ADGRL2: variants seen among roughly 807,000 people sequenced by gnomAD.
The protein encoded by ADGRL2 is adhesion G protein-coupled receptor L2, also known as calcium-independent alpha-latrotoxin receptor 2.
A neutral mutation model predicts 157.4 loss-of-function variants in ADGRL2; 44 were observed. The observed-to-expected ratio is 0.28, with a 90% confidence interval of 0.22 to 0.36. The LOEUF is 0.36. Among genes scored for constraint, ADGRL2 ranks in the 10% least tolerant of loss-of-function variants. ADGRL2 has a pLI of 1.00. For synonymous variants in ADGRL2, 585 were observed against 624.7 expected (o/e 0.94, Z 0.95); for missense variants, 1,510 against 1,768.9 (o/e 0.85, Z 2.63).
intron 1 of ADGRL2, among the ~76,000 whole-genome samples, chr1:81,371,525 A>T (rs2076160371): frequency 6.6e-6 from 1 of 152,238 alleles, no homozygotes; most frequent in African/African-American, 2.4e-5. Context: ...AATATAAAAT[A>T]AGAAATGTAA....
chr1:81,611,782 C>A lies in ADGRL2; in HGVS notation c.-143+30802C>A, dbSNP rs145644718. 4.9e-3 allele frequency among the ~76,000 whole-genome samples: 747 copies of A among 152,238 alleles called. 6 individuals carry two copies. Among genetic ancestry groups the A allele is most frequent in the African/African-American group, 0.017 (718 of 41,534 alleles). ...GATATGGTTTGGCTCTATGTCCCCA[C>A]CCAAATCTCATCTCAAATTGTAATC... On this transcript the variant is annotated intron_variant, in intron 3 of 24. Transcript: ENST00000370721.
chr1:81,843,896 A>G (rs1333023403), intron 2 of ADGRL2, among the ~76,000 whole-genome samples: 2 of 151,864 alleles, frequency 1.3e-5, no homozygotes, highest in Admixed American at 1.3e-4. Flanking sequence ...TCTTGATTCC[A>G]TCCTCTTTTG....
At chr1:81,840,120 C>G (rs1407100377) in intron 2 of ADGRL2, among the ~76,000 whole-genome samples, 1 of 151,594 alleles carries the variant, frequency 6.6e-6, no homozygotes, top group Non-Finnish European at 1.5e-5. Flanking sequence ...ACCTTAAATA[C>G]TTGTTGGTGC....
At chr1:81,480,886 C>G (rs1487211744) in intron 2 of ADGRL2, among the ~76,000 whole-genome samples, 1 of 152,150 alleles carries the variant, frequency 6.6e-6, no homozygotes, top group Non-Finnish European at 1.5e-5. Flanking sequence ...CTTGTTGTGA[C>G]AATTTTATCA....
intron 3 of ADGRL2, among the ~76,000 whole-genome samples, chr1:81,665,635 T>C (rs186063411): frequency 1.6e-3 from 245 of 152,256 alleles, no homozygotes; most frequent in Admixed American, 3.2e-3. Context: ...ATATTATCTC[T>C]ATATGAGAAC....
intron 2 of ADGRL2, among the ~76,000 whole-genome samples, chr1:81,551,157 C>T (rs2080136231): frequency 6.6e-6 from 1 of 152,134 alleles, no homozygotes; most frequent in African/African-American, 2.4e-5. Flanking sequence ...AATAAATCCT[C>T]AATAGGTGGA....
intron 2 of ADGRL2, chr1:81,557,118 C>A: frequency 5.7e-6 from 1 of 175,776 alleles, no homozygotes; most frequent in South Asian, 1.6e-4. Context: ...GCCTGTTGTT[C>A]AGGTTGGCTT....
intron 2 of ADGRL2, among the ~76,000 whole-genome samples, chr1:81,768,045 T>C (rs2086204894): frequency 6.6e-6 from 1 of 152,052 alleles, no homozygotes. Context: ...CTTAAATGTA[T>C]TTATTTTTAT....
At chr1:81,712,755 A>ATTTTTT (rs60265943) in intron 1 of ADGRL2, among the ~76,000 whole-genome samples, 3 of 100,250 alleles carry the variant, frequency 3.0e-5, no homozygotes, top group African/African-American at 8.1e-5. Context: ...TGGATCGCGG[A>ATTTTTT]TTTTTTTTTT....
At chr1:81,311,372 A>G (rs1375100347) in intron 1 of ADGRL2, among the ~76,000 whole-genome samples, 5 of 152,184 alleles carry the variant, frequency 3.3e-5, no homozygotes, top group African/African-American at 1.2e-4. Context: ...TGCAGTTTAT[A>G]TCACACAAGT....
intron 1 of ADGRL2, among the ~76,000 whole-genome samples, chr1:81,719,415 ACACATAGC>A (rs1484156128): frequency 6.6e-6 from 1 of 152,196 alleles, no homozygotes; most frequent in East Asian, 1.9e-4. Flanking sequence ...ATCTTCGTCT[ACACATAGC>A]CAGAACATCA....
chr1:81,311,067 T>G (rs1570585466), intron 1 of ADGRL2, among the ~76,000 whole-genome samples: 1 of 152,152 alleles, frequency 6.6e-6, no homozygotes, highest in East Asian at 1.9e-4. Context: ...TTTTTCTCAC[T>G]GAGGAAGGTG....
At chr1:81,825,918 T>A (rs2149981523) in intron 1 of ADGRL2, among the ~76,000 whole-genome samples, 1 of 152,180 alleles carries the variant, frequency 6.6e-6, no homozygotes, top group Non-Finnish European at 1.5e-5. Flanking sequence ...GCTTTGAGAT[T>A]TTTGCAGATG....
At chr1:81,811,262 A>T (rs2089839890) in intron 1 of ADGRL2, among the ~76,000 whole-genome samples, 1 of 151,874 alleles carries the variant, frequency 6.6e-6, no homozygotes, top group Non-Finnish European at 1.5e-5. Context: ...GTTTTAGCAT[A>T]TCTTATAATT....
chr1:81,677,770 T>C (rs1334541618), intron 3 of ADGRL2, among the ~76,000 whole-genome samples: 1 of 152,196 alleles, frequency 6.6e-6, no homozygotes, highest in Non-Finnish European at 1.5e-5. Flanking sequence ...TGTTGAATTA[T>C]CTTTCTAGAG....
At chr1:81,337,586 T>A (rs116320769) in intron 1 of ADGRL2, among the ~76,000 whole-genome samples, 41 of 152,356 alleles carry the variant, frequency 2.7e-4, no homozygotes, top group Non-Finnish European at 4.4e-4. Context: ...TGCTTTATGT[T>A]AAAGAAGACC....
intron 3 of ADGRL2, among the ~76,000 whole-genome samples, chr1:81,631,274 T>G (rs1291632233): frequency 6.6e-6 from 1 of 152,112 alleles, no homozygotes; most frequent in Non-Finnish European, 1.5e-5. Context: ...TGGAGTGCAG[T>G]GGCCCTATCA....
intron 1 of ADGRL2, among the ~76,000 whole-genome samples, chr1:81,397,610 C>T (rs1025854169): frequency 2.0e-5 from 3 of 151,936 alleles, no homozygotes; most frequent in Non-Finnish European, 2.9e-5. Flanking sequence ...TGAGCCACTG[C>T]GCCCAGCCCT....
intron 2 of ADGRL2, among the ~76,000 whole-genome samples, chr1:81,858,490 G>T (rs892295259): frequency 2.0e-5 from 3 of 152,092 alleles, no homozygotes; most frequent in Non-Finnish European, 2.9e-5. Flanking sequence ...TCCTCTTAGG[G>T]CAAGAACAAA....
Sources: allele counts gnomAD v4.1 joint callset (sites outside exome capture counted in the v4.1 genomes callset), GRCh38; gene constraint gnomAD v4.1.1; transcripts MANE v1.5; gene names NCBI Gene and HGNC (gene_info 2026-07-23, HGNC 2026-07-21).